The following MAGI2 variants were observed in gnomAD, a reference collection of about 807,000 sequenced individuals.
The protein encoded by MAGI2 is membrane associated guanylate kinase, WW and PDZ domain containing 2.
A neutral mutation model predicts 133.3 loss-of-function variants in MAGI2; 35 were observed. That is an observed-to-expected ratio of 0.26 (90% confidence interval 0.20 to 0.35). The LOEUF is 0.35. MAGI2 is among the 10% of genes least tolerant of loss of function. The pLI is 1.00. For missense variants in MAGI2, 1,636 were observed against 1,863.4 expected, an observed-to-expected ratio of 0.88 and a Z score of 2.25; for synonymous variants, 729 against 710.6, an observed-to-expected ratio of 1.03 and a Z score of -0.41.
chr7:78,987,154 C>G (rs921434390), intron 2 of MAGI2, among the ~76,000 whole-genome samples: 1 of 151,990 alleles, frequency 6.6e-6, no homozygotes, highest in Non-Finnish European at 1.5e-5. Context: ...TGTGGTATTT[C>G]TTCTAAACAA....
intron 2 of MAGI2, among the ~76,000 whole-genome samples, chr7:78,768,591 A>G (rs1413824501): frequency 6.6e-6 from 1 of 152,160 alleles, no homozygotes; most frequent in African/African-American, 2.4e-5. Context: ...AGTGGAGCAA[A>G]TATTATTACA....
At position 79,266,236 on chromosome 7, in the gene MAGI2, ACCCCAC is replaced by A. The variant is rs1008713138; in HGVS notation, c.301+186778_301+186783del. 2.0e-4 allele frequency among the ~76,000 whole-genome samples: 8 copies of A among 40,284 alleles called. No homozygotes were observed. The East Asian group carries it at 2.6e-3, about 13-fold the overall frequency. 26.4% of individuals were successfully genotyped at this position (40,284 alleles called of 152,430 possible). On this transcript the variant is annotated intron_variant, in intron 1 of 21. Coordinates refer to ENST00000354212, the MANE Select transcript of MAGI2 (RefSeq NM_012301.4). ...TCAAACATCATATCCCTCCCTGCCC[ACCCCAC>A]CCCCACCCCCACCCCCACCCTCCTC...
intron 9 of MAGI2, among the ~76,000 whole-genome samples, chr7:78,282,105 TTA>T (rs1475927204): frequency 6.6e-6 from 1 of 152,144 alleles, no homozygotes; most frequent in Non-Finnish European, 1.5e-5. Context: ...TGGGAAGGTA[TTA>T]TATAAACTAT....
At chr7:78,521,337 CTG>C in intron 4 of MAGI2, 91 bp downstream of exon 4, 2 of 787,338 alleles carry the variant, frequency 2.5e-6, no homozygotes, top group South Asian at 3.4e-5. Flanking sequence ...TACTATGTAT[CTG>C]TATATATATC....
At chr7:79,313,941 T>A (rs1838499590) in intron 1 of MAGI2, among the ~76,000 whole-genome samples, 1 of 151,960 alleles carries the variant, frequency 6.6e-6, no homozygotes, top group Admixed American at 6.6e-5. Flanking sequence ...TAGCTGAGAC[T>A]ACAGGAACAC....
chr7:78,468,279 T>G (rs1366761267), intron 6 of MAGI2, among the ~76,000 whole-genome samples: 1 of 152,142 alleles, frequency 6.6e-6, no homozygotes, highest in East Asian at 1.9e-4. Context: ...TTCCCTTGAC[T>G]ATCACTTTTC....
At chr7:79,267,797 C>G (rs1208744009) in intron 1 of MAGI2, among the ~76,000 whole-genome samples, 2 of 152,112 alleles carry the variant, frequency 1.3e-5, no homozygotes, top group Non-Finnish European at 2.9e-5. Context: ...GGCTGGATGG[C>G]TGAAGCTTAA....
intron 2 of MAGI2, among the ~76,000 whole-genome samples, chr7:78,829,296 G>A (rs1790931348): frequency 6.6e-6 from 1 of 152,000 alleles, no homozygotes; most frequent in East Asian, 1.9e-4. Flanking sequence ...GGTGAGACAA[G>A]GCAAAACATA....
At chr7:79,395,286 C>G (rs1331990470) in intron 1 of MAGI2, among the ~76,000 whole-genome samples, 2 of 152,054 alleles carry the variant, frequency 1.3e-5, no homozygotes, top group South Asian at 2.1e-4. Flanking sequence ...ACAATGAACA[C>G]AAAATTGTAG....
chr7:78,931,998 CA>C (rs72358342), intron 2 of MAGI2, among the ~76,000 whole-genome samples: 12,939 of 79,000 alleles, frequency 0.16, 543 homozygotes, highest in African/African-American at 0.22. Flanking sequence ...AAAAGGAAGG[CA>C]AAAAAAAAAA....
At chr7:78,227,850 T>TTGTGTGTGTGTGTG (rs3085614) in intron 10 of MAGI2, among the ~76,000 whole-genome samples, 2,015 of 145,588 alleles carry the variant, frequency 0.014, 39 homozygotes, top group East Asian at 0.04. Context: ...TCTTACTCAG[T>TTGTGTGTGTGTGTG]TGTGTGTGTG....
Position 79,077,574 on chromosome 7 carries a change from C to CAAAAAAAAAAA in MAGI2, c.302-70379_302-70369dup, listed in dbSNP as rs769770373. ...TGGGCAACAGAGCGAGACTGCCTCT[C>CAAAAAAAAAAA]AAAAAAAAAAAAAAAAAAAAATAAA... is the stretch of plus-strand genomic sequence containing the variant. On this transcript the variant is annotated intron_variant, in intron 1 of 21. Coordinates refer to ENST00000354212, the MANE Select transcript of MAGI2 (RefSeq NM_012301.4). Among the ~76,000 whole-genome samples the CAAAAAAAAAAA allele has an allele frequency of 1.3e-3, 32 of 23,774 alleles. 4 individuals are homozygous for CAAAAAAAAAAA. Among genetic ancestry groups the CAAAAAAAAAAA allele is most frequent in the African/African-American group, 4.1e-3 (27 of 6,588 alleles). 15.6% of individuals were successfully genotyped at this position (23,774 alleles called of 152,430 possible).
intron 1 of MAGI2, among the ~76,000 whole-genome samples, chr7:79,032,004 T>G (rs907268609): frequency 3.9e-5 from 6 of 152,162 alleles, no homozygotes; most frequent in Non-Finnish European, 5.9e-5. Flanking sequence ...TATTACAAGA[T>G]TGTACCATAA....
chr7:78,621,807 C>A (rs1195315268), intron 3 of MAGI2, among the ~76,000 whole-genome samples: 2 of 152,006 alleles, frequency 1.3e-5, no homozygotes, highest in Non-Finnish European at 2.9e-5. Context: ...TATCTGATTT[C>A]TAACCAAAGG....
At chr7:79,186,225 TATATA>T (rs1827108714) in intron 1 of MAGI2, among the ~76,000 whole-genome samples, 1 of 135,670 alleles carries the variant, frequency 7.4e-6, no homozygotes, top group African/African-American at 2.8e-5. Context: ...TATATATATA[TATATA>T]TATATATATA....
chr7:78,431,935 T>C (rs1799834586), intron 6 of MAGI2, among the ~76,000 whole-genome samples: 1 of 152,086 alleles, frequency 6.6e-6, no homozygotes, highest in African/African-American at 2.4e-5. Context: ...TTTTAGATAG[T>C]TAAGTGAACT....
intron 2 of MAGI2, among the ~76,000 whole-genome samples, chr7:78,643,658 C>G (rs1011659903): frequency 1.3e-5 from 2 of 151,924 alleles, no homozygotes; most frequent in African/African-American, 2.4e-5. Flanking sequence ...AGCTTAATCC[C>G]TTTAAAAGAT....
In MAGI2 at chr7:78,714,827, A is replaced by G. The variant is rs190337662; in HGVS notation, c.419-87588T>C. Among the ~76,000 whole-genome samples the G allele has an allele frequency of 1.5e-4, 23 of 152,292 alleles. No individual in the cohort carries two copies. In the East Asian group the frequency reaches 4.4e-3, roughly 29 times the overall value. On this transcript the variant is annotated intron_variant, in intron 2 of 21. Coordinates refer to ENST00000354212, the MANE Select transcript of MAGI2 (RefSeq NM_012301.4). ...AAAGATGCTGAGCGATGGAAGTCAC[A>G]ATGATTTAAAACAGCCTCATATTGT...
At chr7:79,050,938 T>G (rs945436930) in intron 1 of MAGI2, among the ~76,000 whole-genome samples, 1 of 152,084 alleles carries the variant, frequency 6.6e-6, no homozygotes, top group Non-Finnish European at 1.5e-5. Context: ...TCCGACAGAA[T>G]AAAAAACTCG....
Sources: gnomAD v4.1 joint callset for allele counts (sites outside exome capture counted in the v4.1 genomes callset) on GRCh38, gnomAD v4.1.1 for gene constraint, MANE v1.5 for transcripts, NCBI Gene and HGNC (gene_info 2026-07-23, HGNC 2026-07-21) for gene names.